The following TECTA variants were observed in gnomAD, a reference collection of about 807,000 sequenced individuals.
The protein encoded by TECTA is tectorin alpha.
A neutral mutation model predicts 216.8 loss-of-function variants in TECTA; 128 were observed. That is an observed-to-expected ratio of 0.59 (90% CI 0.51 to 0.68). The LOEUF is 0.68. TECTA is among the 30% of genes least tolerant of loss of function. The probability of loss-of-function intolerance (pLI) is 0.00; values close to 1 mark genes in which losing one functional copy is unlikely to be tolerated. For synonymous variants in TECTA, 1,089 were observed against 1,117.1 expected (o/e 0.97, Z 0.50); for missense variants, 2,551 against 2,786.2 (o/e 0.92, Z 1.90).
rs1223705355 is a variant in TECTA at position 121,152,771 on chromosome 11, T to C, written c.4106-110T>C. 7 of 1,169,628 alleles carry C rather than the reference T, an allele frequency of 6.0e-6. No individual in the cohort carries two copies. The African/African-American group carries it at 9.2e-5, about 15-fold the overall frequency. 72.5% of individuals were successfully genotyped at this position (1,169,628 alleles called of 1,614,324 possible). A position where few individuals can be genotyped will look rare whatever the true frequency, so the allele number is the denominator to read the frequency against. On this transcript the variant is annotated intron_variant, in intron 12 of 23. Transcript: ENST00000392793. ...GAAAGGCGGCAGACCTCCTGGCTCC[T>C]GCCTCTCCCCGTGCCTTTCATCTCC...
chr11:121,106,085 A>G, intron 3 of TECTA, 121 bp downstream of exon 3: 1 of 1,486,446 alleles, frequency 6.7e-7, no homozygotes, highest in Non-Finnish European at 9.3e-7. Flanking sequence ...GGCAGCCAAA[A>G]CGACAAGTTC....
At position 121,160,139 on chromosome 11, in the gene TECTA, A is replaced by G; in HGVS notation, c.4694A>G (p.Asn1565Ser). 2 of 1,614,232 alleles carry G rather than the reference A, an allele frequency of 1.2e-6. No homozygotes were observed. Among genetic ancestry groups the G allele is most frequent in the Middle Eastern group, 1.6e-4 (1 of 6,062 alleles). The change falls in exon 15 of 24, where the codon AAT (asparagine) becomes AGT (serine). Residue 1565 changes from asparagine (N) to serine (S), a missense_variant. Asn to Ser is a conservative substitution (Grantham distance 46). Around this residue, in one of 3 missense-constraint regions of TECTA, gnomAD observed 2,375 missense variants for 2,563.9 expected, o/e 0.93. Transcript: ENST00000392793. Reference protein sequence around the residue: ...LINDRNTVKVNGTQVNVPFIT... With the variant: ...LINDRNTVKVSGTQVNVPFIT... Reference sequence around the variant, plus strand: ...TCTTTTTTCCTCCTCCAATAGGTGAATGGCACACAAGTGAATGTTCCATTT... The same window carrying G: ...TCTTTTTTCCTCCTCCAATAGGTGAGTGGCACACAAGTGAATGTTCCATTT...
At chr11:121,162,865 C>A (rs1359433438) in intron 16 of TECTA, among the ~76,000 whole-genome samples, 1 of 152,164 alleles carries the variant, frequency 6.6e-6, no homozygotes, top group Non-Finnish European at 1.5e-5. Context: ...ATTAGATCAG[C>A]TGGTAAAATA....
chr11:121,125,563 A>T lies in TECTA; in HGVS notation c.1465A>T (p.Ser489Cys). Residue 489 changes from serine (S) to cysteine (C), a missense_variant, in exon 8 of 24, where the codon AGC (serine) becomes TGC (cysteine). Ser to Cys is a moderately radical substitution (Grantham distance 112). Coordinates refer to ENST00000392793, the MANE Select transcript of TECTA (RefSeq NM_005422.4). ...PAMSVLDLGE[S>C]WRVYHADWKC... ...CATGTCTGTCCTGGATCTGGGAGAG[A>T]GCTGGCGTGTGTACCACGCAGACTG... 6.2e-7 allele frequency: 1 copy of T among 1,614,070 alleles called. No homozygotes were observed. The highest frequency in any genetic ancestry group is 8.5e-7 in the Non-Finnish European group (1 of 1,180,020).
intron 4 of TECTA, among the ~76,000 whole-genome samples, chr11:121,112,716 G>A (rs1565517826): frequency 6.6e-6 from 1 of 152,200 alleles, no homozygotes; most frequent in East Asian, 1.9e-4. Flanking sequence ...CCCCGGCCGA[G>A]TCTTTCCTGT....
At position 121,130,013 on chromosome 11, in the gene TECTA, A is replaced by G. The variant is rs1946657020; in HGVS notation, c.2743A>G (p.Ile915Val). Residue 915 changes from isoleucine (I) to valine (V), a missense_variant, in exon 10 of 24, where the codon ATC (isoleucine) becomes GTC (valine). By Grantham distance (29) the Ile-to-Val change is conservative. Around this residue, in one of 3 missense-constraint regions of TECTA, gnomAD observed 2,375 missense variants for 2,563.9 expected, o/e 0.93. Coordinates refer to ENST00000392793, the MANE Select transcript of TECTA (RefSeq NM_005422.4). ...TCGAAGCCGCTCCAGGTGCGGCATC[A>G]TCAACGACCCCTCCAACAGCTCCTT... Reference protein sequence around the residue: ...FYRSRSRCGIINDPSNSSFLE... With the variant: ...FYRSRSRCGIVNDPSNSSFLE... The G allele has an allele frequency of 1.2e-6, 2 of 1,609,436 alleles. No individual in the cohort carries two copies. The highest frequency in any genetic ancestry group is 8.5e-7 in the Non-Finnish European group (1 of 1,176,774).
At position 121,102,724 on chromosome 11, in the gene TECTA, A is replaced by G; in HGVS notation, c.59A>G (p.His20Arg). 1 of 1,613,144 alleles carries G rather than the reference A, an allele frequency of 6.2e-7. No homozygotes were observed. Among genetic ancestry groups the G allele is most frequent in the Non-Finnish European group, 8.5e-7 (1 of 1,179,158 alleles). ...WVSFIFALVQ[H>R]QAQPRELMYP... Reference sequence around the variant, plus strand: ...TCTTTCATCTTCGCACTTGTACAGCACCAAGGTGAGTACTACAGAATTCCA... The same window carrying G: ...TCTTTCATCTTCGCACTTGTACAGCGCCAAGGTGAGTACTACAGAATTCCA... Residue 20 changes from histidine to arginine, a missense_variant, in exon 2 of 24, where the codon CAC (histidine) becomes CGC (arginine). Physicochemically the swap from His to Arg is conservative, Grantham distance 29. This residue lies in a region of TECTA where 2,375 missense variants were observed against 2,563.9 expected (regional missense o/e 0.93). Coordinates refer to ENST00000392793, the MANE Select transcript of TECTA (RefSeq NM_005422.4).
Position 121,158,096 on chromosome 11 carries a change from C to T in TECTA, c.4561C>T (p.Pro1521Ser), listed in dbSNP as rs201498689. 9 of 1,614,174 alleles carry T rather than the reference C, an allele frequency of 5.6e-6. No individual in the cohort carries two copies. The highest frequency in any genetic ancestry group is 4.0e-5 in the African/African-American group (3 of 75,078). Residue 1521 changes from proline (P) to serine (S), a missense_variant, in exon 14 of 24, where the codon CCC becomes TCC. Around this residue, in one of 3 missense-constraint regions of TECTA, gnomAD observed 2,375 missense variants for 2,563.9 expected, o/e 0.93. Transcript: ENST00000392793. ...FVLSTICQKLPDISFQLIINF... is the reference protein window; with the variant it reads ...FVLSTICQKLSDISFQLIINF... ...GCTGTCCACCATCTGCCAGAAACTG[C>T]CCGACATCTCCTTCCAGCTTATCAT...
rs1947040104 is a variant in TECTA at position 121,165,277 on chromosome 11, A to T, written c.5277A>T (p.Gly1759=). ...TEWIEKENCS[G]VVEDPCVGAD... ...TCTGTGTGTTTTTCTTTTTAGCAGG[A>T]GTGGTTGAAGATCCCTGTGTGGGGG... is the stretch of plus-strand genomic sequence containing the variant. Residue 1759 remains glycine, a synonymous_variant, in exon 17 of 24, where the codon GGA becomes GGT. Coordinates refer to ENST00000392793, the MANE Select transcript of TECTA (RefSeq NM_005422.4). The T allele has an allele frequency of 6.2e-7, 1 of 1,601,074 alleles. No individual in the cohort carries two copies. The highest frequency in any genetic ancestry group is 1.3e-5 in the African/African-American group (1 of 74,736).
In TECTA at chr11:121,160,141, G is replaced by A. The variant is rs757144807; in HGVS notation, c.4696G>A (p.Gly1566Ser). ...INDRNTVKVN[G>S]TQVNVPFITG... ...TTTTTTCCTCCTCCAATAGGTGAATGGCACACAAGTGAATGTTCCATTTAT... is the reference window on the plus strand; with the variant it reads ...TTTTTTCCTCCTCCAATAGGTGAATAGCACACAAGTGAATGTTCCATTTAT... Residue 1566 changes from glycine (G) to serine (S), a missense_variant, in exon 15 of 24, where the codon GGC (glycine) becomes AGC (serine). Around this residue, in one of 3 missense-constraint regions of TECTA, gnomAD observed 2,375 missense variants for 2,563.9 expected, o/e 0.93. Transcript: ENST00000392793. 1.1e-5 allele frequency: 18 copies of A among 1,614,060 alleles called. No homozygotes were observed. The highest frequency in any genetic ancestry group is 1.4e-5 in the Non-Finnish European group (17 of 1,180,056).
Position 121,190,755 on chromosome 11 carries a change from G to T in TECTA, c.6417G>T (p.Met2139Ile). ...ELQVWTLLLI[M>I]IQISLWHFVY... Reference sequence around the variant, plus strand: ...AAGTCTGGACGCTTCTTCTCATCATGATCCAGATTTCATTATGGCATTTTG... The same window carrying T: ...AAGTCTGGACGCTTCTTCTCATCATTATCCAGATTTCATTATGGCATTTTG... The change falls in exon 24 of 24, where the codon ATG (methionine) becomes ATT (isoleucine). Residue 2139 changes from methionine (M) to isoleucine (I), a missense_variant. Physicochemically the swap from Met to Ile is conservative, Grantham distance 10. Around this residue, in one of 3 missense-constraint regions of TECTA, gnomAD observed 118 missense variants for 116.4 expected, o/e 1.01. Transcript: ENST00000392793. 6.2e-7 allele frequency: 1 copy of T among 1,613,860 alleles called. No individual in the cohort carries two copies. Among genetic ancestry groups the T allele is most frequent in the South Asian group, 1.1e-5 (1 of 91,056 alleles).
chr11:121,159,879 C>T (rs1946980696), intron 14 of TECTA, among the ~76,000 whole-genome samples: 1 of 152,188 alleles, frequency 6.6e-6, no homozygotes, highest in African/African-American at 2.4e-5. Flanking sequence ...GAGTGAATGC[C>T]TTTAAACTCT....
At chr11:121,149,823 A>G (rs1425883098) in intron 12 of TECTA, among the ~76,000 whole-genome samples, 1 of 152,238 alleles carries the variant, frequency 6.6e-6, no homozygotes, top group Non-Finnish European at 1.5e-5. Context: ...AGCTCTCAGT[A>G]CATCATTTGG....
At chr11:121,159,949 C>T (rs1176238801) in intron 14 of TECTA, among the ~76,000 whole-genome samples, 186 bp from the exon 15 acceptor site, 1 of 152,182 alleles carries the variant, frequency 6.6e-6, no homozygotes, top group African/African-American at 2.4e-5. Flanking sequence ...TTTGCTGGAA[C>T]ACAGCCACAC....
intron 11 of TECTA, chr11:121,140,916 T>C (rs916128767): frequency 2.6e-5 from 4 of 152,346 alleles, no homozygotes; most frequent in African/African-American, 4.8e-5. Flanking sequence ...CATTCACAGG[T>C]ACTGGGGGTT....
intron 20 of TECTA, among the ~76,000 whole-genome samples, chr11:121,181,697 A>G (rs1303179907): frequency 6.6e-6 from 1 of 151,906 alleles, no homozygotes; most frequent in Non-Finnish European, 1.5e-5. Flanking sequence ...CAAACTCACA[A>G]CCTCAGGTGA....
intron 16 of TECTA, among the ~76,000 whole-genome samples, chr11:121,163,628 T>G (rs1485120831): frequency 6.6e-6 from 1 of 152,198 alleles, no homozygotes; most frequent in Admixed American, 6.5e-5. Context: ...AAGAATACTT[T>G]CAATGACTTT....
intron 7 of TECTA, among the ~76,000 whole-genome samples, chr11:121,119,163 ATTAAT>A (rs1242137463): frequency 6.6e-6 from 1 of 152,110 alleles, no homozygotes; most frequent in Non-Finnish European, 1.5e-5. Flanking sequence ...ACAGCCTTTG[ATTAAT>A]AATCCTCACC....
chr11:121,124,570 T>G (rs1259067757), intron 7 of TECTA, among the ~76,000 whole-genome samples: 2 of 152,272 alleles, frequency 1.3e-5, no homozygotes, highest in Admixed American at 6.5e-5. Context: ...TATCCTCTAT[T>G]GACTCACAGT....
Sources: gnomAD v4.1 joint callset for allele counts (sites outside exome capture counted in the v4.1 genomes callset) on GRCh38, gnomAD v4.1.1 for gene constraint, gnomAD v4.1.1 regional missense constraint, MANE v1.5 for transcripts, NCBI Gene and HGNC (gene_info 2026-07-23, HGNC 2026-07-21) for gene names.